The following TEAD1 variants were observed in gnomAD, a reference collection of about 807,000 sequenced individuals.
TEAD1 encodes the protein TEA domain transcription factor 1, also known as transcriptional enhancer factor TEF-1.
A neutral mutation model predicts 54.9 loss-of-function variants in TEAD1; 9 were observed. The observed-to-expected ratio is 0.16, with a 90% CI of 0.10 to 0.29. The LOEUF is 0.29. TEAD1 is among the 10% of genes least tolerant of loss of function. The pLI, the probability that TEAD1 is intolerant of heterozygous loss-of-function variation, is 1.00. For synonymous variants in TEAD1, 200 were observed against 187.8 expected, an observed-to-expected ratio of 1.07 and a Z score of -0.53; for missense variants, 387 against 535.9, an observed-to-expected ratio of 0.72 and a Z score of 2.74.
At chr11:12,727,392 T>C (rs955188762) in intron 2 of TEAD1, among the ~76,000 whole-genome samples, 17 of 152,164 alleles carry the variant, frequency 1.1e-4, no homozygotes, top group African/African-American at 3.9e-4. Context: ...AATCGGGTCC[T>C]GTGGGCCCTG....
intron 10 of TEAD1, among the ~76,000 whole-genome samples, chr11:12,913,707 G>A (rs969760274): frequency 3.9e-5 from 6 of 152,178 alleles, no homozygotes; most frequent in Admixed American, 1.3e-4. Context: ...GTCCTATACA[G>A]TATTTGGTAT....
At chr11:12,767,032 A>T (rs1211376405) in intron 3 of TEAD1, among the ~76,000 whole-genome samples, 1 of 152,142 alleles carries the variant, frequency 6.6e-6, no homozygotes, top group Non-Finnish European at 1.5e-5. Flanking sequence ...TTGGAAGGGA[A>T]CCATGGTGGT....
intron 2 of TEAD1, among the ~76,000 whole-genome samples, chr11:12,688,205 A>G (rs1440343136): frequency 3.9e-5 from 6 of 152,022 alleles, no homozygotes; most frequent in African/African-American, 1.5e-4. Context: ...GTGATAGGTG[A>G]TGGGCAGTGA....
chr11:12,882,025 T>G, intron 8 of TEAD1, 68 bp downstream of exon 8: 1 of 1,546,618 alleles, frequency 6.5e-7, no homozygotes, highest in Non-Finnish European at 8.9e-7. Flanking sequence ...TCTGGCACTT[T>G]GTTCCCAGAG....
chr11:12,921,635 T>C (rs1414037086), intron 10 of TEAD1, among the ~76,000 whole-genome samples: 2 of 152,178 alleles, frequency 1.3e-5, no homozygotes, highest in South Asian at 2.1e-4. Flanking sequence ...GAACTGCTTT[T>C]CACAGCGAAG....
intron 5 of TEAD1, among the ~76,000 whole-genome samples, chr11:12,868,102 C>G (rs1250947504): frequency 6.6e-6 from 1 of 152,196 alleles, no homozygotes; most frequent in African/African-American, 2.4e-5. Context: ...AGTGGCTTAC[C>G]CGCAATGGAG....
chr11:12,882,971 C>G (rs777050251), intron 8 of TEAD1, 30 bp from the exon 9 acceptor site: 2 of 1,614,076 alleles, frequency 1.2e-6, no homozygotes, highest in Non-Finnish European at 1.7e-6. Context: ...GGTGAGTGAC[C>G]AGCATCAAAG....
chr11:12,728,484 A>G (rs7109080), intron 2 of TEAD1, among the ~76,000 whole-genome samples: 2,729 of 152,288 alleles, frequency 0.018, 84 homozygotes, highest in African/African-American at 0.063. Context: ...GGCAGAGACA[A>G]TTCGGCAGCA....
chr11:12,922,852 C>T (rs796606272), intron 10 of TEAD1: 4 of 139,374 alleles, frequency 2.9e-5, no homozygotes, highest in Admixed American at 8.4e-5. Flanking sequence ...TCCACTGAAC[C>T]TGGGAGGTGG....
intron 3 of TEAD1, among the ~76,000 whole-genome samples, chr11:12,825,973 A>G (rs186453698): frequency 2.6e-5 from 4 of 152,350 alleles, no homozygotes; most frequent in Admixed American, 2.6e-4. Flanking sequence ...TCCACATGCA[A>G]AAAAGGTAAA....
intron 2 of TEAD1, among the ~76,000 whole-genome samples, chr11:12,742,195 A>T (rs1944662664): frequency 6.6e-6 from 1 of 152,196 alleles, no homozygotes; most frequent in African/African-American, 2.4e-5. Flanking sequence ...TTAGACTTTG[A>T]GTTCAAGGTG....
chr11:12,882,897 T>C (rs1564975875), intron 8 of TEAD1, 104 bp from the exon 9 acceptor site: 1 of 1,571,186 alleles, frequency 6.4e-7, no homozygotes, highest in East Asian at 2.2e-5. Flanking sequence ...GAGGGGGCTG[T>C]TGGCATTTCC....
intron 2 of TEAD1, among the ~76,000 whole-genome samples, chr11:12,697,513 A>C (rs1417839177): frequency 4.6e-5 from 7 of 152,018 alleles, no homozygotes; most frequent in African/African-American, 1.7e-4. Context: ...GGGGAGGAAA[A>C]CCCCTACAAG....
chr11:12,739,177 T>A (rs1412507797), intron 2 of TEAD1, among the ~76,000 whole-genome samples: 1 of 152,092 alleles, frequency 6.6e-6, no homozygotes, highest in Non-Finnish European at 1.5e-5. Context: ...GTCTGATTGC[T>A]TTGCTTTGAG....
At chr11:12,817,699 G>A (rs1176812439) in intron 3 of TEAD1, among the ~76,000 whole-genome samples, 1 of 152,064 alleles carries the variant, frequency 6.6e-6, no homozygotes, top group Non-Finnish European at 1.5e-5. Flanking sequence ...GAGTACCCAC[G>A]TTGCCAGCTC....
intron 10 of TEAD1, among the ~76,000 whole-genome samples, chr11:12,917,840 A>G (rs1172290602): frequency 6.6e-6 from 1 of 152,144 alleles, no homozygotes; most frequent in African/African-American, 2.4e-5. Flanking sequence ...CATATTTCTA[A>G]GTGTTGTTTT....
intron 9 of TEAD1, among the ~76,000 whole-genome samples, chr11:12,889,909 A>G (rs1335046149): frequency 6.6e-6 from 1 of 151,952 alleles, no homozygotes; most frequent in African/African-American, 2.4e-5. Context: ...TTTAGTAGAG[A>G]TGGGGTTTTA....
At chr11:12,814,986 A>G (rs1946386342) in intron 3 of TEAD1, among the ~76,000 whole-genome samples, 1 of 152,206 alleles carries the variant, frequency 6.6e-6, no homozygotes, top group Admixed American at 6.5e-5. Flanking sequence ...CATCCAGTGC[A>G]GAACGGGCCT....
At chr11:12,760,774 C>T (rs924527162) in intron 2 of TEAD1, among the ~76,000 whole-genome samples, 1 of 152,138 alleles carries the variant, frequency 6.6e-6, no homozygotes, top group African/African-American at 2.4e-5. Context: ...GGCCAGTTTC[C>T]AGGATGAGGT....
Sources: allele counts gnomAD v4.1 joint callset (sites outside exome capture counted in the v4.1 genomes callset), GRCh38; gene constraint gnomAD v4.1.1; transcripts MANE v1.5; gene names NCBI Gene and HGNC (gene_info 2026-07-23, HGNC 2026-07-21).